Variants in CSMD1 observed in about 807,000 individuals in gnomAD.
CSMD1 encodes the protein CUB and Sushi multiple domains 1.
In CSMD1, 213 loss-of-function variants were observed where a neutral mutation model predicts 417.5. The observed-to-expected ratio is 0.51, with a 90% CI of 0.46 to 0.57. The LOEUF is 0.57. Ranked by LOEUF, CSMD1 falls within the 20% of genes least tolerant of loss-of-function variation. The pLI is 0.00. For missense variants in CSMD1, 6,923 were observed against 4,529.7 expected (o/e 1.53, Z -15.17); for synonymous variants, 2,862 against 1,736.8 (o/e 1.65, Z -16.11).
intron 3 of CSMD1, among the ~76,000 whole-genome samples, chr8:4,220,183 T>C (rs967116385): frequency 5.9e-5 from 9 of 152,348 alleles, no homozygotes; most frequent in African/African-American, 2.2e-4. Flanking sequence ...ACTCCTGACG[T>C]CAGGTGATGT....
Position 3,385,246 on chromosome 8 carries a change from T to C in CSMD1, c.2782+2248A>G, listed in dbSNP as rs981857971. Among the ~76,000 whole-genome samples the C allele has an allele frequency of 3.4e-5, 5 of 148,918 alleles. No homozygotes were observed. The East Asian group carries it at 5.9e-4, about 17-fold the overall frequency. On this transcript the variant is annotated intron_variant, in intron 18 of 69. Transcript: ENST00000635120. ...ATACATGCATATCTATGAATGCATA[T>C]GTATGTATACATGTGTATGTATGAA...
intron 3 of CSMD1, among the ~76,000 whole-genome samples, chr8:4,382,805 G>A (rs373734481): frequency 2.6e-5 from 4 of 152,148 alleles, no homozygotes; most frequent in African/African-American, 9.7e-5. Context: ...AGTGTCAGAT[G>A]CATTAAACCA....
At chr8:4,296,132 G>C (rs1026121546) in intron 3 of CSMD1, among the ~76,000 whole-genome samples, 1 of 152,006 alleles carries the variant, frequency 6.6e-6, no homozygotes, top group East Asian at 1.9e-4. Context: ...ACCACAATAA[G>C]AAGCGAAAAT....
intron 25 of CSMD1, among the ~76,000 whole-genome samples, chr8:3,302,390 G>A (rs1804485295): frequency 6.6e-6 from 1 of 151,974 alleles, no homozygotes; most frequent in East Asian, 1.9e-4. Flanking sequence ...AGTTTCCCTG[G>A]CTGCCTATCT....
rs1052688325 is a variant in CSMD1, at chr8:4,881,806, A to T, written c.85+112526T>A. On this transcript the variant is annotated intron_variant, in intron 1 of 69. Transcript: ENST00000635120. ...TTCACAAACTGCATGGAATAAGATG[A>T]TTTGGGCCTATAAGTAAAAGCCAAG... Among the ~76,000 whole-genome samples, 8 of 152,066 alleles carry T rather than the reference A, an allele frequency of 5.3e-5. No homozygotes were observed. The East Asian group carries it at 1.4e-3, about 26-fold the overall frequency.
At chr8:3,505,687 T>A (rs1315375949) in intron 10 of CSMD1, among the ~76,000 whole-genome samples, 1 of 152,138 alleles carries the variant, frequency 6.6e-6, no homozygotes, top group South Asian at 2.1e-4. Context: ...ACCGTAGAGG[T>A]ACTGGACCAA....
intron 12 of CSMD1, among the ~76,000 whole-genome samples, chr8:3,418,527 T>A (rs939762906): frequency 7.9e-5 from 12 of 152,110 alleles, no homozygotes; most frequent in Non-Finnish European, 1.0e-4. Context: ...TCCCTGACGG[T>A]CCCGCTGATC....
chr8:4,573,405 T>G (rs1585269612), intron 2 of CSMD1, among the ~76,000 whole-genome samples: 2 of 152,278 alleles, frequency 1.3e-5, no homozygotes, highest in African/African-American at 2.4e-5. Flanking sequence ...TGGAGTTTGC[T>G]GGAGGTCCAC....
intron 2 of CSMD1, among the ~76,000 whole-genome samples, chr8:4,448,663 T>C (rs1798955259): frequency 1.3e-5 from 2 of 152,236 alleles, no homozygotes; most frequent in Admixed American, 6.5e-5. Context: ...TGTCAACATC[T>C]GACTTTCTTC....
intron 5 of CSMD1, among the ~76,000 whole-genome samples, chr8:3,763,307 T>C (rs903097982): frequency 3.9e-5 from 6 of 152,144 alleles, no homozygotes; most frequent in Non-Finnish European, 8.8e-5. Flanking sequence ...TGATTGCCGG[T>C]ATTGGAGGTG....
intron 3 of CSMD1, among the ~76,000 whole-genome samples, chr8:4,070,593 G>A (rs886108319): frequency 2.2e-4 from 34 of 152,098 alleles, no homozygotes; most frequent in Non-Finnish European, 1.0e-4. Flanking sequence ...TCCTGACCTC[G>A]TGATCCACCC....
chr8:3,491,648 T>G (rs571460677), intron 11 of CSMD1, among the ~76,000 whole-genome samples: 1 of 152,300 alleles, frequency 6.6e-6, no homozygotes, highest in East Asian at 1.9e-4. Flanking sequence ...TCTGGGTCCA[T>G]CGATTTTTAA....
intron 2 of CSMD1, among the ~76,000 whole-genome samples, chr8:4,460,979 G>A (rs1412536755): frequency 6.6e-6 from 1 of 152,104 alleles, no homozygotes. Flanking sequence ...CTACAGACTA[G>A]TATTTCTTAA....
At chr8:3,872,497 G>A (rs1449731484) in intron 5 of CSMD1, among the ~76,000 whole-genome samples, 4 of 152,140 alleles carry the variant, frequency 2.6e-5, no homozygotes, top group Non-Finnish European at 5.9e-5. Flanking sequence ...TGTGCTCCCT[G>A]GTGCCTGAAC....
chr8:3,847,454 G>C (rs1044378905), intron 5 of CSMD1, among the ~76,000 whole-genome samples: 5 of 152,108 alleles, frequency 3.3e-5, no homozygotes, highest in African/African-American at 4.8e-5. Flanking sequence ...GGGGTCCTGA[G>C]CATCTCAGCC....
intron 2 of CSMD1, among the ~76,000 whole-genome samples, chr8:4,468,326 G>C (rs927012968): frequency 3.4e-5 from 5 of 146,156 alleles, no homozygotes; most frequent in African/African-American, 9.7e-5. Context: ...CTGGGCGATA[G>C]GCCTTTTTAA....
intron 1 of CSMD1, among the ~76,000 whole-genome samples, chr8:4,973,621 T>C (rs377169679): frequency 4.6e-5 from 7 of 152,226 alleles, no homozygotes; most frequent in Admixed American, 2.0e-4. Flanking sequence ...TTCGTATCTC[T>C]ACAAATCTTC....
At chr8:4,755,020 C>A (rs1448459677) in intron 1 of CSMD1, among the ~76,000 whole-genome samples, 4 of 152,186 alleles carry the variant, frequency 2.6e-5, no homozygotes, top group African/African-American at 7.2e-5. Flanking sequence ...TGCCTGTGAT[C>A]CCAGCTACTT....
chr8:3,853,048 C>G (rs958633118), intron 5 of CSMD1, among the ~76,000 whole-genome samples: 21 of 152,174 alleles, frequency 1.4e-4, no homozygotes, highest in African/African-American at 4.8e-4. Context: ...CTCATGTCAT[C>G]AGTCGAGCAA....
Sources: gnomAD v4.1 joint callset for allele counts (sites outside exome capture counted in the v4.1 genomes callset) on GRCh38, gnomAD v4.1.1 for gene constraint, MANE v1.5 for transcripts, NCBI Gene and HGNC (gene_info 2026-07-23, HGNC 2026-07-21) for gene names.